The following MMP16 variants were observed in gnomAD, a reference collection of about 807,000 sequenced individuals.
The protein encoded by MMP16 is matrix metallopeptidase 16.
A neutral mutation model predicts 67.8 loss-of-function variants in MMP16; 12 were observed. The observed-to-expected ratio is 0.18, with a 90% confidence interval of 0.11 to 0.29. The LOEUF (loss-of-function observed/expected upper bound fraction) is 0.29. MMP16 is among the 10% of genes least tolerant of loss of function. MMP16 has a pLI of 1.00. For missense variants in MMP16, 475 were observed against 765.7 expected (o/e 0.62, Z 4.48); for synonymous variants, 249 against 255.9 (o/e 0.97, Z 0.26).
intron 6 of MMP16, among the ~76,000 whole-genome samples, chr8:88,091,560 A>AAC (rs1808936663): frequency 6.7e-6 from 1 of 149,600 alleles, no homozygotes; most frequent in Non-Finnish European, 1.5e-5. Context: ...TACACACACA[A>AAC]ACACACACAC....
rs1809621098 is a variant in MMP16, at chr8:88,217,994, A to G, written c.133-20688T>C. The stretch of plus-strand genomic sequence containing the variant: ...ACAAAGCACTGAGAGAAGATTAAAG[A>G]TGGGCTATACCATTTACTTTTATTG... On this transcript the variant is annotated intron_variant, in intron 1 of 9. Coordinates refer to ENST00000286614, the MANE Select transcript of MMP16 (RefSeq NM_005941.5). 2.0e-5 allele frequency among the ~76,000 whole-genome samples: 3 copies of G among 152,092 alleles called. No individual in the cohort carries two copies. In the South Asian group the frequency reaches 6.2e-4, roughly 32 times the overall value.
intron 4 of MMP16, among the ~76,000 whole-genome samples, chr8:88,153,697 C>T (rs1350419089): frequency 6.7e-6 from 1 of 148,958 alleles, no homozygotes; most frequent in Non-Finnish European, 1.5e-5. Context: ...CTTCCTTACA[C>T]CTTATACAAA....
At chr8:88,279,909 G>A (rs111832876) in intron 1 of MMP16, among the ~76,000 whole-genome samples, 47 of 152,144 alleles carry the variant, frequency 3.1e-4, no homozygotes, top group Non-Finnish European at 5.7e-4. Flanking sequence ...GGACTGACAC[G>A]TTTTAAAAAA....
rs1453308539 is a variant in MMP16 at position 88,299,781 on chromosome 8, C to G, written c.132+27294G>C. ...ATCTGCAAAATCATTCTTCTTTAAC[C>G]TCCTGTGAGTCTATAAAATTGTTTA... On this transcript the variant is annotated intron_variant, in intron 1 of 9. Coordinates refer to ENST00000286614, the MANE Select transcript of MMP16 (RefSeq NM_005941.5). Among the ~76,000 whole-genome samples, 5 of 152,114 alleles carry G rather than the reference C, an allele frequency of 3.3e-5. No homozygotes were observed. The East Asian group carries it at 9.6e-4, about 29-fold the overall frequency.
intron 6 of MMP16, among the ~76,000 whole-genome samples, chr8:88,094,136 A>T (rs1808985982): frequency 6.6e-6 from 1 of 151,800 alleles, no homozygotes; most frequent in African/African-American, 2.4e-5. Flanking sequence ...AAAGTACGAT[A>T]GTGTATTTTT....
intron 3 of MMP16, 129 bp from the exon 4 acceptor site, chr8:88,168,102 TC>T: frequency 1.5e-6 from 1 of 648,658 alleles, no homozygotes; most frequent in Non-Finnish European, 2.6e-6. Flanking sequence ...ACGTATTCAT[TC>T]CTCTTGTCTC....
intron 7 of MMP16, among the ~76,000 whole-genome samples, chr8:88,068,596 GTTT>G (rs1261283912): frequency 6.6e-6 from 1 of 151,654 alleles, no homozygotes; most frequent in Admixed American, 6.6e-5. Context: ...GTTTTGTTTT[GTTT>G]TTTTACATGT....
chr8:88,283,629 T>A (rs1473761468), intron 1 of MMP16, among the ~76,000 whole-genome samples: 1 of 152,172 alleles, frequency 6.6e-6, no homozygotes, highest in Non-Finnish European at 1.5e-5. Flanking sequence ...AATGTCACAT[T>A]GTCTTGTCTA....
Position 88,040,202 on chromosome 8 carries a change from T to C in MMP16, c.*1259A>G, listed in dbSNP as rs1808112735. On this transcript the variant is annotated 3_prime_UTR_variant, in exon 10 of 10. Transcript: ENST00000286614. ...AAATAAAATTTCAGATTTATGAGAATCTTAATAAAATACCTTTTTTATTTG... is the reference window on the plus strand; with the variant it reads ...AAATAAAATTTCAGATTTATGAGAACCTTAATAAAATACCTTTTTTATTTG... 1 of 152,636 alleles carries C rather than the reference T, an allele frequency of 6.6e-6. No homozygotes were observed. The highest frequency in any genetic ancestry group is 1.5e-5 in the Non-Finnish European group (1 of 68,038). 9.5% of individuals were successfully genotyped at this position (152,636 alleles called of 1,614,324 possible). A position where few individuals can be genotyped will look rare whatever the true frequency, so the allele number is the denominator to read the frequency against.
At chr8:88,209,227 T>C (rs2129813248) in intron 1 of MMP16, among the ~76,000 whole-genome samples, 1 of 152,218 alleles carries the variant, frequency 6.6e-6, no homozygotes, top group South Asian at 2.1e-4. Flanking sequence ...GCACCTCTTC[T>C]GCCTCTGCCA....
chr8:88,083,245 A>C (rs1808782707), intron 6 of MMP16, among the ~76,000 whole-genome samples: 1 of 152,076 alleles, frequency 6.6e-6, no homozygotes, highest in Admixed American at 6.6e-5. Flanking sequence ...TTTTTAGGAA[A>C]TTTTCACAAT....
In MMP16 at chr8:88,222,075, T is replaced by C. The variant is rs527697712; in HGVS notation, c.133-24769A>G. On this transcript the variant is annotated intron_variant, in intron 1 of 9. Coordinates refer to ENST00000286614, the MANE Select transcript of MMP16 (RefSeq NM_005941.5). ...TTTGATAAATATATTAATATAAAAA[T>C]AGCATTTTATTATTGGGATAGAGTA... Among the ~76,000 whole-genome samples, 22 of 152,110 alleles carry C rather than the reference T, an allele frequency of 1.4e-4. No homozygotes were observed. In the East Asian group the frequency reaches 4.3e-3, roughly 29 times the overall value.
chr8:88,119,061 G>C (rs1563537338), intron 4 of MMP16, among the ~76,000 whole-genome samples, 200 bp from the exon 5 acceptor site: 1 of 152,008 alleles, frequency 6.6e-6, no homozygotes, highest in Non-Finnish European at 1.5e-5. Flanking sequence ...AAGGGAAGAG[G>C]TGGCGGTGAT....
intron 1 of MMP16, among the ~76,000 whole-genome samples, chr8:88,280,563 T>A (rs1482648245): frequency 1.3e-5 from 2 of 152,180 alleles, no homozygotes; most frequent in Non-Finnish European, 2.9e-5. Context: ...AGATGACAGG[T>A]AAATAGAAAT....
intron 7 of MMP16, among the ~76,000 whole-genome samples, chr8:88,059,369 G>GA (rs1380501353): frequency 6.6e-6 from 1 of 151,850 alleles, no homozygotes; most frequent in African/African-American, 2.4e-5. Context: ...AAGGCAAAAA[G>GA]AAAAAAGTGT....
At chr8:88,088,268 C>G (rs1354219668) in intron 6 of MMP16, among the ~76,000 whole-genome samples, 2 of 150,534 alleles carry the variant, frequency 1.3e-5, no homozygotes, top group South Asian at 4.2e-4. Flanking sequence ...TATAGAGAGA[C>G]AGAGAGAGAG....
At chr8:88,060,367 T>TA (rs1161294010) in intron 7 of MMP16, among the ~76,000 whole-genome samples, 2 of 152,104 alleles carry the variant, frequency 1.3e-5, no homozygotes, top group South Asian at 2.1e-4. Flanking sequence ...GTCTCCTTTT[T>TA]ATCTATCCTC....
At chr8:88,089,296 C>A (rs1279626298) in intron 6 of MMP16, among the ~76,000 whole-genome samples, 1 of 151,972 alleles carries the variant, frequency 6.6e-6, no homozygotes, top group Non-Finnish European at 1.5e-5. Context: ...TAATACGTAT[C>A]ACACAAAAGG....
At chr8:88,323,450 A>AC (rs1310615593) in intron 1 of MMP16, among the ~76,000 whole-genome samples, 1 of 152,154 alleles carries the variant, frequency 6.6e-6, no homozygotes, top group Non-Finnish European at 1.5e-5. Context: ...GTCATAAAAG[A>AC]CCCCTTTGAA....
Sources: gnomAD v4.1 joint callset for allele counts (sites outside exome capture counted in the v4.1 genomes callset) on GRCh38, gnomAD v4.1.1 for gene constraint, MANE v1.5 for transcripts, NCBI Gene and HGNC (gene_info 2026-07-23, HGNC 2026-07-21) for gene names.